Variants in TOX observed in about 807,000 individuals in gnomAD.
TOX encodes the protein thymocyte selection associated high mobility group box.
TOX carries 11 observed loss-of-function variants against 53.7 expected under a neutral mutation model. That is an observed-to-expected ratio of 0.20 (90% confidence interval 0.13 to 0.34). The LOEUF (loss-of-function observed/expected upper bound fraction) is 0.34, where lower values mean the gene tolerates loss of function less well. Among genes scored for constraint, TOX ranks in the 10% least tolerant of loss-of-function variants. The probability of loss-of-function intolerance (pLI) is 1.00; values close to 1 mark genes in which losing one functional copy is unlikely to be tolerated. For synonymous variants in TOX, 225 were observed against 245.3 expected (o/e 0.92, Z 0.77); for missense variants, 570 against 664.6 (o/e 0.86, Z 1.56).
intron 1 of TOX, among the ~76,000 whole-genome samples, chr8:58,984,181 T>A (rs190746223): frequency 2.6e-5 from 4 of 152,196 alleles, no homozygotes; most frequent in African/African-American, 9.6e-5. Flanking sequence ...TAAATCGACA[T>A]TAAAACTTTA....
chr8:58,871,938 G>C (rs545545392), intron 3 of TOX, among the ~76,000 whole-genome samples: 1 of 152,192 alleles, frequency 6.6e-6, no homozygotes, highest in East Asian at 1.9e-4. Flanking sequence ...TAAAACCCCA[G>C]TAGCAATGAG....
intron 1 of TOX, among the ~76,000 whole-genome samples, chr8:59,002,152 T>C (rs968643205): frequency 6.6e-6 from 1 of 151,168 alleles, no homozygotes; most frequent in Non-Finnish European, 1.5e-5. Context: ...TTTTGTAGTT[T>C]TAGTAGAGAC....
intron 1 of TOX, among the ~76,000 whole-genome samples, chr8:59,041,921 AGTTAT>A (rs1339877795): frequency 6.6e-6 from 1 of 152,180 alleles, no homozygotes; most frequent in Non-Finnish European, 1.5e-5. Context: ...ATAATTCCTG[AGTTAT>A]GTTATGTACG....
intron 1 of TOX, among the ~76,000 whole-genome samples, chr8:59,041,280 C>T (rs16924493): frequency 0.037 from 5,622 of 152,122 alleles, 264 homozygotes; most frequent in African/African-American, 0.11. Context: ...ACCATCTGAA[C>T]CAAACTGTGT....
intron 1 of TOX, among the ~76,000 whole-genome samples, chr8:59,055,262 C>T (rs1391588061): frequency 6.6e-6 from 1 of 152,162 alleles, no homozygotes; most frequent in Non-Finnish European, 1.5e-5. Context: ...CAATAGGAAC[C>T]CTACCCATGG....
chr8:58,933,673 A>C (rs1273601243), intron 3 of TOX, among the ~76,000 whole-genome samples: 1 of 152,186 alleles, frequency 6.6e-6, no homozygotes, highest in African/African-American at 2.4e-5. Context: ...GTCTAGATCA[A>C]AGTTGTGTGG....
At chr8:59,102,227 G>GTGTTTGTTTGTTTGTTTGTTTGTT (rs541711837) in intron 1 of TOX, among the ~76,000 whole-genome samples, 15 of 152,062 alleles carry the variant, frequency 9.9e-5, no homozygotes, top group African/African-American at 3.6e-4. Context: ...CTCCCGTTTT[G>GTGTTTGTTTGTTTGTTTGTTTGTT]TGTTTGTTTG....
At chr8:58,920,631 G>C (rs1367028205) in intron 3 of TOX, among the ~76,000 whole-genome samples, 1 of 106,816 alleles carries the variant, frequency 9.4e-6, no homozygotes, top group Non-Finnish European at 1.9e-5. Flanking sequence ...TGGGTGCAGT[G>C]CACCAGCATG....
intron 3 of TOX, among the ~76,000 whole-genome samples, chr8:58,876,060 CTACCAGGTAT>C (rs1811278595): frequency 6.6e-6 from 1 of 152,070 alleles, no homozygotes; most frequent in Admixed American, 6.5e-5. Flanking sequence ...CCTTACTTTT[CTACCAGGTAT>C]TAATATTTGA....
chr8:59,021,133 G>C (rs1034134943), intron 1 of TOX, among the ~76,000 whole-genome samples: 1 of 139,548 alleles, frequency 7.2e-6, no homozygotes, highest in Non-Finnish European at 1.6e-5. Context: ...AAAAAGAGTT[G>C]TAAAATTTAA....
chr8:59,112,271 G>A (rs1319605776), intron 1 of TOX, among the ~76,000 whole-genome samples: 1 of 152,170 alleles, frequency 6.6e-6, no homozygotes, highest in Admixed American at 6.5e-5. Flanking sequence ...GCTCATTCAG[G>A]TTAATGTGAA....
intron 7 of TOX, 120 bp from the exon 8 acceptor site, chr8:58,808,389 C>T (rs543549086): frequency 1.5e-6 from 2 of 1,302,114 alleles, no homozygotes; most frequent in South Asian, 3.7e-5. Flanking sequence ...TCTGCAAGGG[C>T]AAGCCTGTCG....
chr8:59,107,046 T>TCCGGG (rs1804920565), intron 1 of TOX, among the ~76,000 whole-genome samples: 13 of 58,200 alleles, frequency 2.2e-4, no homozygotes, highest in African/African-American at 1.2e-3. Flanking sequence ...AGCAGTTTGC[T>TCCGGG]GGGGGGGGGG....
chr8:59,024,136 C>G (rs2129419590), intron 1 of TOX, among the ~76,000 whole-genome samples: 1 of 152,320 alleles, frequency 6.6e-6, no homozygotes, highest in East Asian at 1.9e-4. Context: ...TTATAAACTT[C>G]TTGATGGCAA....
chr8:58,973,831 T>C (rs768353329), intron 1 of TOX, among the ~76,000 whole-genome samples: 4 of 151,850 alleles, frequency 2.6e-5, no homozygotes, highest in Non-Finnish European at 5.9e-5. Context: ...GGAGTCTCAC[T>C]CTGTCACCCA....
intron 3 of TOX, among the ~76,000 whole-genome samples, chr8:58,929,540 C>T (rs1403805865): frequency 1.3e-5 from 2 of 151,978 alleles, no homozygotes; most frequent in Non-Finnish European, 1.5e-5. Flanking sequence ...AAAGCATTCC[C>T]ATATGCTCTA....
intron 1 of TOX, among the ~76,000 whole-genome samples, chr8:59,074,924 C>T (rs1804265578): frequency 6.6e-6 from 1 of 152,144 alleles, no homozygotes; most frequent in Admixed American, 6.5e-5. Flanking sequence ...TAAATTGTCA[C>T]TAAGGAAGAG....
intron 6 of TOX, among the ~76,000 whole-genome samples, chr8:58,820,231 C>T (rs1020493445): frequency 6.6e-6 from 1 of 150,378 alleles, no homozygotes; most frequent in African/African-American, 2.5e-5. Flanking sequence ...ACTATGGAAA[C>T]AGAGAACTTT....
chr8:58,997,085 G>A (rs140395015), intron 1 of TOX, among the ~76,000 whole-genome samples: 118 of 152,304 alleles, frequency 7.7e-4, no homozygotes, highest in African/African-American at 2.8e-3. Flanking sequence ...CACTCTGAAA[G>A]AGATCTTACA....
Sources: gnomAD v4.1 joint callset for allele counts (sites outside exome capture counted in the v4.1 genomes callset) on GRCh38, gnomAD v4.1.1 for gene constraint, MANE v1.5 for transcripts, NCBI Gene and HGNC (gene_info 2026-07-23, HGNC 2026-07-21) for gene names.